The following EIF4G3 variants were observed in gnomAD, a reference collection of about 807,000 sequenced individuals.
EIF4G3 encodes eukaryotic translation initiation factor 4 gamma 3, also known as eIF-4-gamma 3.
A neutral mutation model predicts 186.4 loss-of-function variants in EIF4G3; 34 were observed. The observed-to-expected ratio is 0.18, with a 90% CI of 0.14 to 0.24. EIF4G3 has a LOEUF of 0.24. Ranked by LOEUF, EIF4G3 falls within the 10% of genes least tolerant of loss-of-function variation. EIF4G3 has a pLI of 1.00. For synonymous variants in EIF4G3, 673 were observed against 679.5 expected (o/e 0.99, Z 0.15); for missense variants, 1,536 against 1,948.5 (o/e 0.79, Z 3.99).
chr1:21,070,965 C>G (rs1463087335), intron 3 of EIF4G3, among the ~76,000 whole-genome samples: 1 of 152,124 alleles, frequency 6.6e-6, no homozygotes, highest in African/African-American at 2.4e-5. Context: ...CAACCGCTAC[C>G]ACCCCCTCAT....
chr1:20,995,191 CA>C (rs2082024390), intron 7 of EIF4G3, among the ~76,000 whole-genome samples: 1 of 152,154 alleles, frequency 6.6e-6, no homozygotes, highest in Admixed American at 6.5e-5. Context: ...AAGCTCACTA[CA>C]AATGCTTAAA....
intron 2 of EIF4G3, among the ~76,000 whole-genome samples, chr1:21,138,595 A>C (rs1323373295): frequency 6.6e-6 from 1 of 152,120 alleles, no homozygotes; most frequent in East Asian, 1.9e-4. Context: ...AGGCAGGTAG[A>C]TCACTTCAGG....
At chr1:20,954,414 T>C (rs985668300) in intron 12 of EIF4G3, among the ~76,000 whole-genome samples, 1 of 150,728 alleles carries the variant, frequency 6.6e-6, no homozygotes, top group Non-Finnish European at 1.5e-5. Context: ...CAGGCACCTA[T>C]AATCTCAGCT....
At chr1:20,901,905 G>C (rs762265477) in intron 15 of EIF4G3, among the ~76,000 whole-genome samples, 3 of 152,098 alleles carry the variant, frequency 2.0e-5, no homozygotes, top group Admixed American at 6.5e-5. Context: ...ACAGAACTCT[G>C]TGCTTAATGC....
rs2074470514 is a variant in EIF4G3 at position 20,855,042 on chromosome 1, T to A, written c.3369A>T (p.Val1123=). Residue 1123 remains valine (V), a synonymous_variant, in exon 26 of 37, where the codon GTA becomes GTT. Transcript: ENST00000602326. ...CCCAGCTGCCTAGCTGTGCTTTAGG[T>A]ACCAGCTGAATTTTTTCATCAATTG... ...KPTIDEKIQL[V]PKAQLGSWGK... 3 of 1,613,366 alleles carry A rather than the reference T, an allele frequency of 1.9e-6. No homozygotes were observed. In the South Asian group the frequency reaches 3.3e-5, roughly 18 times the overall value.
chr1:21,108,540 T>C (rs988537440), intron 2 of EIF4G3, among the ~76,000 whole-genome samples: 2 of 152,174 alleles, frequency 1.3e-5, no homozygotes, highest in Non-Finnish European at 2.9e-5. Context: ...ATTTTCTGAA[T>C]ATGAAGGCTT....
At chr1:20,969,406 A>G in intron 12 of EIF4G3, 68 bp downstream of exon 12, 1 of 1,565,240 alleles carries the variant, frequency 6.4e-7, no homozygotes, top group Non-Finnish European at 8.7e-7. Context: ...GTGGCTATAG[A>G]AGAAAGAAGA....
intron 3 of EIF4G3, among the ~76,000 whole-genome samples, chr1:21,068,482 G>A (rs1402780521): frequency 6.7e-6 from 1 of 148,820 alleles, no homozygotes; most frequent in Non-Finnish European, 1.5e-5. Flanking sequence ...TTCCTTTGTT[G>A]TAAATAAAGG....
At chr1:20,978,412 T>C (rs1035143068) in intron 10 of EIF4G3, among the ~76,000 whole-genome samples, 4 of 152,150 alleles carry the variant, frequency 2.6e-5, no homozygotes, top group African/African-American at 9.7e-5. Flanking sequence ...ATTTGAGACA[T>C]TTAGTGAGGT....
chr1:21,155,197 A>T (rs1440605817), intron 2 of EIF4G3, among the ~76,000 whole-genome samples: 2 of 129,986 alleles, frequency 1.5e-5, no homozygotes, highest in Non-Finnish European at 3.1e-5. Flanking sequence ...CAGGAGGCGG[A>T]GGTTGCAGTG....
At chr1:20,908,458 CTG>C (rs1399902939) in intron 14 of EIF4G3, among the ~76,000 whole-genome samples, 2 of 152,156 alleles carry the variant, frequency 1.3e-5, no homozygotes, top group Non-Finnish European at 2.9e-5. Context: ...AGTTTTAAAA[CTG>C]TGCTACAGTT....
chr1:21,129,486 A>T (rs2097112713), intron 2 of EIF4G3, among the ~76,000 whole-genome samples: 1 of 152,060 alleles, frequency 6.6e-6, no homozygotes, highest in Non-Finnish European at 1.5e-5. Flanking sequence ...CACATCTCTC[A>T]CAGTTGCTCA....
At chr1:21,025,258 C>T (rs1385054418) in intron 4 of EIF4G3, among the ~76,000 whole-genome samples, 2 of 152,116 alleles carry the variant, frequency 1.3e-5, no homozygotes, top group Admixed American at 1.3e-4. Context: ...GTAAGGACTT[C>T]GCCATGAAGG....
In EIF4G3 at chr1:21,098,540, GAAAA is replaced by G. The variant is rs59544256; in HGVS notation, c.-271-9331_-271-9328del. 5.2e-3 allele frequency among the ~76,000 whole-genome samples: 375 copies of G among 72,698 alleles called. 2 individuals are homozygous for G. The highest frequency in any genetic ancestry group is 0.016 in the African/African-American group (333 of 20,658). The allele number at this position is 72,698 out of a possible 152,430, so 47.7% of individuals were successfully genotyped here. A position where few individuals can be genotyped will look rare whatever the true frequency, so the allele number is the denominator to read the frequency against. On this transcript the variant is annotated intron_variant, in intron 2 of 36. Transcript: ENST00000602326. ...GGCAACCAGAGCGAGGCCCTGTCTC[GAAAA>G]AAAAAAAAAAAAAAAAAAAGAAGAA... is the stretch of plus-strand genomic sequence containing the variant.
chr1:21,165,558 A>G (rs1319989035), intron 2 of EIF4G3, among the ~76,000 whole-genome samples: 1 of 152,236 alleles, frequency 6.6e-6, no homozygotes, highest in Non-Finnish European at 1.5e-5. Context: ...CCCTGAAAAC[A>G]TTATGCTGAA....
chr1:21,114,017 A>T (rs2096773700), intron 2 of EIF4G3, among the ~76,000 whole-genome samples: 1 of 152,094 alleles, frequency 6.6e-6, no homozygotes, highest in Admixed American at 6.6e-5. Flanking sequence ...CCCTGTCTCA[A>T]TTTTTTTAAA....
chr1:20,838,374 T>A (rs2067388154), intron 30 of EIF4G3, among the ~76,000 whole-genome samples: 1 of 152,212 alleles, frequency 6.6e-6, no homozygotes, highest in African/African-American at 2.4e-5. Context: ...TGTAGCATAA[T>A]ATCTGGGTAA....
Position 20,851,296 on chromosome 1 carries a change from T to A in EIF4G3, c.3734A>T (p.Asn1245Ile). The change falls in exon 28 of 37, where the codon AAC becomes ATC. Residue 1245 changes from asparagine (N) to isoleucine (I), a missense_variant. By Grantham distance (149) the Asn-to-Ile change is moderately radical (BLOSUM62 -3). This residue lies in a region of EIF4G3 where 395 missense variants were observed against 498.9 expected (regional missense o/e 0.79). Transcript: ENST00000602326. ...TTTATTTCGCTCAGCCTCAGTGCTGTTCCTCTCCACATCCACACCTCCTGT... is the reference window on the plus strand; with the variant it reads ...TTTATTTCGCTCAGCCTCAGTGCTGATCCTCTCCACATCCACACCTCCTGT... Reference protein sequence around the residue: ...QLTGGVDVERNSTEAERNKTR... With the variant: ...QLTGGVDVERISTEAERNKTR... 6.2e-7 allele frequency: 1 copy of A among 1,614,204 alleles called. No individual in the cohort carries two copies. Among genetic ancestry groups the A allele is most frequent in the South Asian group, 1.1e-5 (1 of 91,084 alleles).
chr1:20,819,060 C>A (rs924022640), intron 33 of EIF4G3, among the ~76,000 whole-genome samples: 1 of 152,108 alleles, frequency 6.6e-6, no homozygotes, highest in Non-Finnish European at 1.5e-5. Flanking sequence ...CACCACTGCA[C>A]CCAGCTCCAT....
Sources: allele counts gnomAD v4.1 joint callset (sites outside exome capture counted in the v4.1 genomes callset), GRCh38; gene constraint gnomAD v4.1.1; regional missense constraint gnomAD v4.1.1; transcripts MANE v1.5; gene names NCBI Gene and HGNC (gene_info 2026-07-23, HGNC 2026-07-21).